IL34: variants seen among roughly 807,000 people sequenced by gnomAD.
IL34 encodes interleukin 34, also known as interleukin-34.
A neutral mutation model predicts 25.3 loss-of-function variants in IL34; 17 were observed. The ratio of observed to expected loss-of-function variants is 0.67; its 90% CI spans 0.46 to 1.01. The LOEUF (loss-of-function observed/expected upper bound fraction) is 1.01. Ranked by LOEUF, IL34 falls within the 50% of genes least tolerant of loss-of-function variation. The probability of loss-of-function intolerance (pLI) is 0.00; values close to 1 mark genes in which losing one functional copy is unlikely to be tolerated. For synonymous variants in IL34, 174 were observed against 140.9 expected (o/e 1.23, Z -1.66); for missense variants, 368 against 312.9 (o/e 1.18, Z -1.33).
At position 70,660,118 on chromosome 16, in the gene IL34, C is replaced by T; in HGVS notation, c.660C>T (p.Pro220=). 6.2e-7 allele frequency: 1 copy of T among 1,613,134 alleles called. No individual in the cohort carries two copies. The highest frequency in any genetic ancestry group is 1.1e-5 in the South Asian group (1 of 91,002). Reference sequence around the variant, plus strand: ...TGTACCCTCCGCCCCCGTGGTCCCCCAGCTCCCCGCCTCACTCCACGGGCT... The same window carrying T: ...TGTACCCTCCGCCCCCGTGGTCCCCTAGCTCCCCGCCTCACTCCACGGGCT... ...TQLYPPPPWS[P]SSPPHSTGSV... Residue 220 remains proline (P), a synonymous_variant, in exon 6 of 6, where the codon CCC becomes CCT. Coordinates refer to ENST00000288098, the MANE Select transcript of IL34 (RefSeq NM_001393494.1).
chr16:70,595,085 G>C (rs565665096), intron 1 of IL34, among the ~76,000 whole-genome samples: 1 of 151,892 alleles, frequency 6.6e-6, no homozygotes, highest in East Asian at 1.9e-4. Context: ...CTCCCAAGTA[G>C]CTGGGGTAAC....
chr16:70,634,478 G>A (rs139104924), intron 1 of IL34, among the ~76,000 whole-genome samples: 4,349 of 151,970 alleles, frequency 0.029, 246 homozygotes, highest in African/African-American at 0.1. Context: ...TCAGGAGTTC[G>A]AGACCAGCCT....
Position 70,660,141 on chromosome 16 carries a change from G to A in IL34, c.683G>A (p.Gly228Asp). 6.2e-7 allele frequency: 1 copy of A among 1,609,676 alleles called. No individual in the cohort carries two copies. The highest frequency in any genetic ancestry group is 8.5e-7 in the Non-Finnish European group (1 of 1,178,418). The stretch of plus-strand genomic sequence containing the variant: ...CCCAGCTCCCCGCCTCACTCCACGG[G>A]CTCGGTGAGGCCGGTCAGGGCACAG... ...WSPSSPPHST[G>D]SVRPVRAQGE... Residue 228 changes from glycine to aspartate, a missense_variant, in exon 6 of 6, where the codon GGC (glycine) becomes GAC (aspartate). Gly to Asp is a moderately conservative substitution (Grantham distance 94). Transcript: ENST00000288098.
At position 70,660,249 on chromosome 16, in the gene IL34, G is replaced by C; in HGVS notation, c.*62G>C. 7.0e-7 allele frequency: 1 copy of C among 1,434,418 alleles called. No individual in the cohort carries two copies. Among genetic ancestry groups the C allele is most frequent in the Admixed American group, 2.5e-5 (1 of 40,684 alleles). The allele number at this position is 1,434,418 out of a possible 1,614,324, so 88.9% of individuals were successfully genotyped here. A position where few individuals can be genotyped will look rare whatever the true frequency, so the allele number is the denominator to read the frequency against. ...ACCAGCTCCCACAGGAGTTCAACTGGGTCTGAGACTTCAAGGGGTGGTGGT... is the reference window on the plus strand; with the variant it reads ...ACCAGCTCCCACAGGAGTTCAACTGCGTCTGAGACTTCAAGGGGTGGTGGT... On this transcript the variant is annotated 3_prime_UTR_variant, in exon 6 of 6. Coordinates refer to ENST00000288098, the MANE Select transcript of IL34 (RefSeq NM_001393494.1).
At chr16:70,582,187 C>T (rs1233085303) in intron 1 of IL34, among the ~76,000 whole-genome samples, 2 of 152,260 alleles carry the variant, frequency 1.3e-5, no homozygotes, top group Non-Finnish European at 2.9e-5. Flanking sequence ...TTGACTAGGC[C>T]TCTGTCTGTC....
intron 1 of IL34, among the ~76,000 whole-genome samples, chr16:70,638,979 G>A (rs531326531): frequency 5.2e-4 from 79 of 152,368 alleles, no homozygotes; most frequent in Non-Finnish European, 8.2e-4. Flanking sequence ...GTTCAGGGGT[G>A]TTGTGGTAGA....
chr16:70,581,805 G>A (rs1198117388), intron 1 of IL34, among the ~76,000 whole-genome samples: 3 of 152,126 alleles, frequency 2.0e-5, no homozygotes, highest in Non-Finnish European at 2.9e-5. Context: ...GTTAGGGGCC[G>A]GACATGGTGG....
intron 1 of IL34, among the ~76,000 whole-genome samples, chr16:70,631,528 C>T (rs995392929): frequency 2.0e-5 from 3 of 152,086 alleles, no homozygotes; most frequent in Non-Finnish European, 4.4e-5. Context: ...TCCTGTTATA[C>T]TCAGCTTTGT....
intron 1 of IL34, among the ~76,000 whole-genome samples, chr16:70,651,180 A>C (rs750920229): frequency 4.6e-5 from 7 of 151,642 alleles, no homozygotes; most frequent in Non-Finnish European, 7.4e-5. Flanking sequence ...TGGCGTGGTG[A>C]TGGGGGGGAG....
chr16:70,601,648 T>C (rs2050919648), intron 1 of IL34, among the ~76,000 whole-genome samples: 1 of 152,188 alleles, frequency 6.6e-6, no homozygotes, highest in African/African-American at 2.4e-5. Context: ...GATTTGCCTG[T>C]CTTGGCCTCC....
intron 1 of IL34, among the ~76,000 whole-genome samples, chr16:70,618,275 T>G (rs556704416): frequency 6.6e-6 from 1 of 151,382 alleles, no homozygotes; most frequent in Non-Finnish European, 1.5e-5. Context: ...AGAAGGAAAT[T>G]TGGGGAAATG....
At position 70,659,850 on chromosome 16, in the gene IL34, C is replaced by G; in HGVS notation, c.538+97C>G. 3 of 1,498,270 alleles carry G rather than the reference C, an allele frequency of 2.0e-6. No individual in the cohort carries two copies. In the South Asian group the frequency reaches 3.9e-5, roughly 20 times the overall value. The allele number at this position is 1,498,270 out of a possible 1,614,324, so 92.8% of individuals were successfully genotyped here. On this transcript the variant is annotated intron_variant, in intron 5 of 5. Coordinates refer to ENST00000288098, the MANE Select transcript of IL34 (RefSeq NM_001393494.1). The stretch of plus-strand genomic sequence containing the variant: ...AGAGCTGGCGTCCTCCCGGGCATAT[C>G]CTCTGCTCCCCGGGGCTACAAGCCA...
chr16:70,643,880 A>G (rs1322521731), upstream of IL34, among the ~76,000 whole-genome samples: 4 of 152,214 alleles, frequency 2.6e-5, no homozygotes, highest in African/African-American at 7.2e-5. Flanking sequence ...AAATCCCTAC[A>G]TGCTGGTGAA....
intron 1 of IL34, among the ~76,000 whole-genome samples, chr16:70,639,608 C>G (rs910183933): frequency 6.6e-6 from 1 of 152,148 alleles, no homozygotes; most frequent in South Asian, 2.1e-4. Context: ...CCGCTTGTAT[C>G]GTGACGAAGG....
intron 1 of IL34, among the ~76,000 whole-genome samples, chr16:70,607,750 CTTTT>C (rs539322447): frequency 2.1e-5 from 3 of 145,966 alleles, no homozygotes; most frequent in African/African-American, 7.5e-5. Context: ...TGTGGTTTTT[CTTTT>C]TTTTTTTAAT....
At chr16:70,629,700 TTTC>T (rs1256666188) in intron 1 of IL34, among the ~76,000 whole-genome samples, 1 of 151,286 alleles carries the variant, frequency 6.6e-6, no homozygotes, top group African/African-American at 2.4e-5. Context: ...ACTACATTTT[TTTC>T]TTTTTTTTTT....
chr16:70,625,580 A>G (rs576180812), intron 1 of IL34, among the ~76,000 whole-genome samples: 1 of 152,262 alleles, frequency 6.6e-6, no homozygotes, highest in East Asian at 1.9e-4. Context: ...TGAAGGACCA[A>G]GGCAGGCATC....
upstream of IL34, among the ~76,000 whole-genome samples, chr16:70,643,305 C>T (rs1450338132): frequency 6.6e-6 from 1 of 152,200 alleles, no homozygotes; most frequent in Non-Finnish European, 1.5e-5. Flanking sequence ...CTCAGGTGAT[C>T]CACCTGCCTT....
rs540380086 is a variant in IL34, at chr16:70,636,821, ATACTC to A, written c.-400-9724_-400-9720del. ...ACAAAACAAAACAGAATGAAGAAGA[ATACTC>A]TAATATAACAACATAACATGATTCT... is the stretch of plus-strand genomic sequence containing the variant. On this transcript the variant is annotated intron_variant, in intron 1 of 6. Transcript: ENST00000429149. Among the ~76,000 whole-genome samples, 44 of 152,172 alleles carry A rather than the reference ATACTC, an allele frequency of 2.9e-4. No individual in the cohort carries two copies. In the Middle Eastern group the frequency reaches 0.01, roughly 35 times the overall value.
Sources: gnomAD v4.1 joint callset for allele counts (sites outside exome capture counted in the v4.1 genomes callset) on GRCh38, gnomAD v4.1.1 for gene constraint, MANE v1.5 for transcripts, NCBI Gene and HGNC (gene_info 2026-07-23, HGNC 2026-07-21) for gene names.